The following TYW1B variants were observed in gnomAD, a reference collection of about 807,000 sequenced individuals.
TYW1B encodes the protein tRNA-yW synthesizing protein 1 homolog B.
In TYW1B, 73 loss-of-function variants were observed where a neutral mutation model predicts 86.9. The ratio of observed to expected loss-of-function variants is 0.84; its 90% CI spans 0.70 to 1.02. The LOEUF is 1.02. TYW1B is among the 50% of genes least tolerant of loss of function. The pLI, the probability that TYW1B is intolerant of heterozygous loss-of-function variation, is 0.00. For missense variants in TYW1B, 637 were observed against 827.4 expected, an observed-to-expected ratio of 0.77 and a Z score of 2.82; for synonymous variants, 248 against 292.8, an observed-to-expected ratio of 0.85 and a Z score of 1.56.
At chr7:72,598,977 T>G (rs1245843952) in intron 13 of TYW1B, among the ~76,000 whole-genome samples, 1 of 152,148 alleles carries the variant, frequency 6.6e-6, no homozygotes, top group African/African-American at 2.4e-5. Context: ...AGGAATAACA[T>G]CCATTCTCTG....
At chr7:72,680,425 G>A (rs1554448184) in intron 11 of TYW1B, among the ~76,000 whole-genome samples, 3 of 152,092 alleles carry the variant, frequency 2.0e-5, no homozygotes, top group South Asian at 2.1e-4. Flanking sequence ...TCCTGCCCTC[G>A]AACATCAAAC....
At chr7:72,787,144 A>G (rs1197761188) in intron 6 of TYW1B, among the ~76,000 whole-genome samples, 19 of 152,102 alleles carry the variant, frequency 1.2e-4, no homozygotes, top group African/African-American at 4.1e-4. Context: ...ACATCAAATG[A>G]CCAACTCTAA....
intron 11 of TYW1B, among the ~76,000 whole-genome samples, chr7:72,677,371 C>T (rs1256389189): frequency 6.6e-6 from 1 of 151,740 alleles, no homozygotes; most frequent in Non-Finnish European, 1.5e-5. Context: ...TGGTCTCAAA[C>T]TCCTGGGCTG....
intron 4 of TYW1B, among the ~76,000 whole-genome samples, chr7:72,809,233 C>T (rs1431810314): frequency 2.6e-5 from 4 of 151,748 alleles, no homozygotes; most frequent in South Asian, 2.1e-4. Context: ...TTAGTAGAGA[C>T]AGGGTTTCAC....
Position 72,815,424 on chromosome 7 carries a change from T to C in TYW1B, c.193A>G (p.Ile65Val), listed in dbSNP as rs1414773338. 3.1e-6 allele frequency: 5 copies of C among 1,610,444 alleles called. No homozygotes were observed. Among genetic ancestry groups the C allele is most frequent in the Non-Finnish European group, 8.5e-7 (1 of 1,179,356 alleles). Residue 65 changes from isoleucine to valine, a missense_variant, in exon 3 of 14, where the codon ATT (isoleucine) becomes GTT (valine). Transcript: ENST00000620995. ...TCTGGATCATATTCTTTTAGATTAA[T>C]AATGGCCACAGGCAGATCCAGGGAC... Reference protein sequence around the residue: ...VTSLDLPVAIINLKEYDPDDH... With the variant: ...VTSLDLPVAIVNLKEYDPDDH...
chr7:72,804,284 CAAAAAA>C (rs797037230), intron 5 of TYW1B, among the ~76,000 whole-genome samples: 1 of 70,844 alleles, frequency 1.4e-5, no homozygotes, highest in South Asian at 3.9e-4. Flanking sequence ...GACTCCATCT[CAAAAAA>C]AAAAAAAAAG....
chr7:72,668,534 A>G (rs1410156444), intron 11 of TYW1B, among the ~76,000 whole-genome samples: 1 of 152,124 alleles, frequency 6.6e-6, no homozygotes, highest in African/African-American at 2.4e-5. Context: ...TCAACACCCC[A>G]GCTTATCCAC....
At chr7:72,619,223 T>C (rs1359955530) in intron 12 of TYW1B, among the ~76,000 whole-genome samples, 15 of 152,218 alleles carry the variant, frequency 9.9e-5, no homozygotes, top group African/African-American at 3.4e-4. Flanking sequence ...AAAAAAGCTT[T>C]CTTTTCCCCC....
intron 11 of TYW1B, among the ~76,000 whole-genome samples, chr7:72,692,205 C>CAAAAAAAAAAAAAAAAAAA (rs1168197742): frequency 2.4e-4 from 15 of 62,798 alleles, no homozygotes; most frequent in African/African-American, 2.5e-4. Context: ...GACTCCATCT[C>CAAAAAAAAAAAAAAAAAAA]AAAAAAAAAA....
rs577396727 is a variant in TYW1B, at chr7:72,605,802, C to T, written c.1785+10870G>A. The stretch of plus-strand genomic sequence containing the variant: ...CAGTAACACTGCAACAGCAGCCATA[C>T]AACCTTAACTGGACAACACCTTTCA... On this transcript the variant is annotated intron_variant, in intron 13 of 13. Coordinates refer to ENST00000620995, the MANE Select transcript of TYW1B (RefSeq NM_001145440.3). Among the ~76,000 whole-genome samples the T allele has an allele frequency of 2.6e-5, 4 of 152,164 alleles. No homozygotes were observed. In the East Asian group the frequency reaches 5.8e-4, roughly 22 times the overall value.
chr7:72,670,482 C>T (rs1473371748), intron 11 of TYW1B, among the ~76,000 whole-genome samples: 10 of 152,208 alleles, frequency 6.6e-5, no homozygotes, highest in Non-Finnish European at 1.0e-4. Context: ...TGAGCCACCA[C>T]GTCTGGCCTC....
rs782345959 is a variant in TYW1B at position 72,827,019 on chromosome 7, T to C, written c.5-34A>G. 4.4e-6 allele frequency: 7 copies of C among 1,584,326 alleles called. No homozygotes were observed. The South Asian group carries it at 4.6e-5, about 10-fold the overall frequency. Reference sequence around the variant, plus strand: ...AAAATGACACACACAGATAATTTCATTTAAAGCTACATATACAAAGATATC... The same window carrying C: ...AAAATGACACACACAGATAATTTCACTTAAAGCTACATATACAAAGATATC... On this transcript the variant is annotated intron_variant, in intron 1 of 13. Transcript: ENST00000620995.
chr7:72,696,635 CT>C (rs1554451545), intron 10 of TYW1B, among the ~76,000 whole-genome samples: 1 of 152,046 alleles, frequency 6.6e-6, no homozygotes, highest in African/African-American at 2.4e-5. Context: ...ATTAAAGCTA[CT>C]TTTTAGGAGA....
intron 5 of TYW1B, among the ~76,000 whole-genome samples, chr7:72,803,636 T>C (rs1212879196): frequency 6.6e-6 from 1 of 152,038 alleles, no homozygotes; most frequent in Non-Finnish European, 1.5e-5. Flanking sequence ...TTTGTTGTTG[T>C]TGAGTCTCGT....
intron 6 of TYW1B, among the ~76,000 whole-genome samples, chr7:72,784,550 T>A (rs1585981408): frequency 6.6e-6 from 1 of 152,138 alleles, no homozygotes; most frequent in Non-Finnish European, 1.5e-5. Context: ...TAGGCTGGAG[T>A]ACAGAGGCGC....
At chr7:72,726,707 A>T (rs1787004408) in intron 9 of TYW1B, among the ~76,000 whole-genome samples, 1 of 152,140 alleles carries the variant, frequency 6.6e-6, no homozygotes. Context: ...ATCTTGAACC[A>T]TTATTTGCAT....
chr7:72,588,671 A>G (rs1554430892), intron 13 of TYW1B, among the ~76,000 whole-genome samples: 1 of 152,202 alleles, frequency 6.6e-6, no homozygotes, highest in Non-Finnish European at 1.5e-5. Flanking sequence ...GTGCTGGGAC[A>G]GGGACTCTGT....
intron 10 of TYW1B, among the ~76,000 whole-genome samples, chr7:72,710,204 C>T (rs1406518056): frequency 6.6e-6 from 1 of 152,138 alleles, no homozygotes; most frequent in Non-Finnish European, 1.5e-5. Context: ...TATCCTACTA[C>T]TAACAGATTC....
At chr7:72,802,724 G>A (rs1468730193) in intron 5 of TYW1B, among the ~76,000 whole-genome samples, 4 of 151,846 alleles carry the variant, frequency 2.6e-5, no homozygotes, top group Admixed American at 6.6e-5. Context: ...AGGTTCAAGC[G>A]ATTCTCCTGC....
Sources: allele counts gnomAD v4.1 joint callset (sites outside exome capture counted in the v4.1 genomes callset), GRCh38; gene constraint gnomAD v4.1.1; transcripts MANE v1.5; gene names NCBI Gene and HGNC (gene_info 2026-07-23, HGNC 2026-07-21).